The following UGT1A7 variants were observed in gnomAD, a reference collection of about 807,000 sequenced individuals.
UGT1A7 encodes the protein UDP glucuronosyltransferase family 1 member A7, also known as UDP-glucuronosyltransferase 1A7.
In UGT1A7, 33 loss-of-function variants were observed where a neutral mutation model predicts 45.6. That is an observed-to-expected ratio of 0.72 (90% CI 0.55 to 0.97). The LOEUF (loss-of-function observed/expected upper bound fraction) is 0.97. Among genes scored for constraint, UGT1A7 ranks in the 50% least tolerant of loss-of-function variants. UGT1A7 has a pLI of 0.00. For synonymous variants in UGT1A7, 274 were observed against 250.6 expected (o/e 1.09, Z -0.88); for missense variants, 684 against 666.2 (o/e 1.03, Z -0.29).
At chr2:233,768,945 T>C (rs1365506143) in intron 4 of UGT1A7, among the ~76,000 whole-genome samples, 1 of 152,204 alleles carries the variant, frequency 6.6e-6, no homozygotes, top group Admixed American at 6.5e-5. Context: ...TTCTTTAGTT[T>C]CTATATAATT....
At chr2:233,718,985 C>A (rs45571233) in intron 1 of UGT1A7, 1 of 1,614,224 alleles carries the variant, frequency 6.2e-7, no homozygotes, top group Non-Finnish European at 8.5e-7. Context: ...ATGCCAGAGG[C>A]CACCAGGCGG....
chr2:233,706,413 C>T (rs1371560108), intron 1 of UGT1A7, among the ~76,000 whole-genome samples: 2 of 152,242 alleles, frequency 1.3e-5, no homozygotes, highest in Admixed American at 6.5e-5. Context: ...TCAAACTTCA[C>T]GTGGTCTTTC....
Position 233,754,885 on chromosome 2 carries a change from A to G in UGT1A7, c.856-12149A>G, listed in dbSNP as rs750655652. Reference sequence around the variant, plus strand: ...GACCCTCTGCTTCTGCTTCCCAGGGAGTTCCTCTGACCCCCCAAAATATTC... The same window carrying G: ...GACCCTCTGCTTCTGCTTCCCAGGGGGTTCCTCTGACCCCCCAAAATATTC... On this transcript the variant is annotated intron_variant, in intron 1 of 4. Coordinates refer to ENST00000373426, the MANE Select transcript of UGT1A7 (RefSeq NM_019077.3). The G allele has an allele frequency of 3.0e-6, 4 of 1,350,732 alleles. No individual in the cohort carries two copies. In the African/African-American group the frequency reaches 5.9e-5, roughly 20 times the overall value. 83.7% of individuals were successfully genotyped at this position (1,350,732 alleles called of 1,614,324 possible). A position where few individuals can be genotyped will look rare whatever the true frequency, so the allele number is the denominator to read the frequency against.
At chr2:233,757,944 T>C (rs1201251132) in intron 1 of UGT1A7, among the ~76,000 whole-genome samples, 1 of 152,112 alleles carries the variant, frequency 6.6e-6, no homozygotes, top group Non-Finnish European at 1.5e-5. Context: ...ACCATCATAT[T>C]GCTGCCCTGC....
chr2:233,732,182 G>A (rs1190810291), intron 1 of UGT1A7, among the ~76,000 whole-genome samples: 1 of 152,108 alleles, frequency 6.6e-6, no homozygotes, highest in Non-Finnish European at 1.5e-5. Flanking sequence ...TGTAGATTCT[G>A]GATATTAGCC....
intron 1 of UGT1A7, among the ~76,000 whole-genome samples, chr2:233,742,411 A>G (rs566737557): frequency 5.3e-5 from 8 of 152,078 alleles, no homozygotes; most frequent in Non-Finnish European, 8.8e-5. Flanking sequence ...TAGTTTAGGA[A>G]CACCTTAAGC....
At chr2:233,705,468 CAT>C (rs1165661174) in intron 1 of UGT1A7, among the ~76,000 whole-genome samples, 1 of 152,140 alleles carries the variant, frequency 6.6e-6, no homozygotes, top group African/African-American at 2.4e-5. Context: ...AGCAGACACA[CAT>C]GAGGCAAATT....
chr2:233,729,741 G>A (rs746811742), intron 1 of UGT1A7: 25 of 1,613,946 alleles, frequency 1.5e-5, no homozygotes, highest in South Asian at 3.3e-5. Context: ...CAGACCACAT[G>A]ACATTCATGC....
rs762367100 is a variant in UGT1A7 at position 233,719,280 on chromosome 2, G to T, written c.855+36488G>T. 2.2e-5 allele frequency: 35 copies of T among 1,613,952 alleles called. No individual in the cohort carries two copies. The highest frequency in any genetic ancestry group is 5.0e-5 in the Admixed American group (3 of 59,980). On this transcript the variant is annotated intron_variant, in intron 1 of 4. Coordinates refer to ENST00000373426, the MANE Select transcript of UGT1A7 (RefSeq NM_019077.3). ...CTTTGATGTGGTTTTAACAGACCCC[G>T]TTAACCTCTGTGGGGCGGTGCTGGC...
chr2:233,757,465 C>G (rs1305238385), intron 1 of UGT1A7, among the ~76,000 whole-genome samples: 7 of 149,236 alleles, frequency 4.7e-5, no homozygotes, highest in Non-Finnish European at 5.9e-5. Flanking sequence ...AGAGCGCTTA[C>G]TGTCTCCAAA....
intron 1 of UGT1A7, among the ~76,000 whole-genome samples, chr2:233,698,445 A>G (rs2125575630): frequency 6.6e-6 from 1 of 152,352 alleles, no homozygotes; most frequent in South Asian, 2.1e-4. Flanking sequence ...GATATATCAC[A>G]GATCATAGAA....
chr2:233,698,061 G>A (rs1449377967), intron 1 of UGT1A7, among the ~76,000 whole-genome samples: 1 of 152,128 alleles, frequency 6.6e-6, no homozygotes, highest in Non-Finnish European at 1.5e-5. Context: ...CAGTTATATT[G>A]AGAAACTGGG....
intron 1 of UGT1A7, among the ~76,000 whole-genome samples, chr2:233,684,708 A>T (rs2074694202): frequency 1.3e-5 from 2 of 152,034 alleles, no homozygotes; most frequent in African/African-American, 4.8e-5. Context: ...GTTATGTATT[A>T]ATGTATATAT....
Position 233,772,664 on chromosome 2 carries a change from C to G in UGT1A7, c.*105C>G, listed in dbSNP as rs1700540961. 1.9e-6 allele frequency: 3 copies of G among 1,539,532 alleles called. No individual in the cohort carries two copies. Among genetic ancestry groups the G allele is most frequent in the Non-Finnish European group, 2.6e-6 (3 of 1,144,204 alleles). ...TCATTTTATTCTTATTAAGGAAATA[C>G]TTTGCATAAATTAATCAGCCCCAGA... On this transcript the variant is annotated 3_prime_UTR_variant, in exon 5 of 5. Coordinates refer to ENST00000373426, the MANE Select transcript of UGT1A7 (RefSeq NM_019077.3).
At chr2:233,742,513 G>A (rs934347498) in intron 1 of UGT1A7, among the ~76,000 whole-genome samples, 9 of 151,822 alleles carry the variant, frequency 5.9e-5, no homozygotes, top group Non-Finnish European at 1.2e-4. Flanking sequence ...TCATGAACAC[G>A]TCACAGTGCT....
At chr2:233,734,280 C>A (rs2078507648) in intron 1 of UGT1A7, among the ~76,000 whole-genome samples, 1 of 152,066 alleles carries the variant, frequency 6.6e-6, no homozygotes, top group South Asian at 2.1e-4. Flanking sequence ...GGAATTTATC[C>A]ATTTCTTCTA....
chr2:233,697,515 T>A (rs11894379), intron 1 of UGT1A7, among the ~76,000 whole-genome samples: 4,554 of 150,122 alleles, frequency 0.03, 92 homozygotes, highest in Middle Eastern at 0.054. Context: ...TTTTTTTTTT[T>A]AAAAAACTTT....
chr2:233,760,971 C>T (rs773436128), intron 1 of UGT1A7: 1 of 1,614,154 alleles, frequency 6.2e-7, no homozygotes, highest in South Asian at 1.1e-5. Context: ...TGGTTTATTC[C>T]CCGTATGCAA....
intron 1 of UGT1A7, chr2:233,713,679 C>T (rs756343791): frequency 6.2e-7 from 1 of 1,613,972 alleles, no homozygotes; most frequent in Non-Finnish European, 8.5e-7. Flanking sequence ...TGTTTCTGCT[C>T]CTTATGCAAG....
Sources: allele counts gnomAD v4.1 joint callset (sites outside exome capture counted in the v4.1 genomes callset), GRCh38; gene constraint gnomAD v4.1.1; transcripts MANE v1.5; gene names NCBI Gene and HGNC (gene_info 2026-07-23, HGNC 2026-07-21).